The following ATP8B4 variants were observed in gnomAD, a reference collection of about 807,000 sequenced individuals.
ATP8B4 encodes the protein ATPase phospholipid transporting 8B4 (putative).
Under a neutral mutation model 145.6 loss-of-function variants are expected in ATP8B4, and 133 were observed. That is an observed-to-expected ratio of 0.91 (90% confidence interval 0.79 to 1.05). ATP8B4 has a LOEUF of 1.05. Ranked by LOEUF, ATP8B4 falls within the 50% of genes least tolerant of loss-of-function variation. The pLI is 0.00. For synonymous variants in ATP8B4, 507 were observed against 492.9 expected (o/e 1.03, Z -0.38); for missense variants, 1,458 against 1,425.2 (o/e 1.02, Z -0.37).
chr15:49,974,467 G>A (rs1226164028), intron 12 of ATP8B4, among the ~76,000 whole-genome samples: 4 of 150,724 alleles, frequency 2.7e-5, no homozygotes, highest in Admixed American at 6.6e-5. Flanking sequence ...GAGCTCAAGC[G>A]ATCCTCCCAC....
At chr15:50,005,708 A>T (rs2153565213) in intron 7 of ATP8B4, among the ~76,000 whole-genome samples, 1 of 152,358 alleles carries the variant, frequency 6.6e-6, no homozygotes, top group South Asian at 2.1e-4. Context: ...AGAACTTCTG[A>T]TCCCAAAATG....
intron 12 of ATP8B4, among the ~76,000 whole-genome samples, 176 bp from the exon 13 acceptor site, chr15:49,972,966 A>T (rs2045311605): frequency 6.6e-6 from 1 of 152,192 alleles, no homozygotes. Flanking sequence ...CTGTTTATAA[A>T]CATTTCCAAG....
intron 13 of ATP8B4, 136 bp downstream of exon 13, chr15:49,972,446 A>G (rs2045244598): frequency 2.8e-6 from 2 of 709,122 alleles, no homozygotes; most frequent in Middle Eastern, 3.9e-4. Flanking sequence ...CAGCATCTAT[A>G]TGGTAGATGC....
At chr15:49,902,490 G>A (rs923674081) in intron 20 of ATP8B4, among the ~76,000 whole-genome samples, 7 of 152,186 alleles carry the variant, frequency 4.6e-5, no homozygotes, top group Non-Finnish European at 1.0e-4. Flanking sequence ...ATCTCCTTCT[G>A]CTGTCCAAGA....
chr15:50,060,069 G>A (rs2052897169), intron 3 of ATP8B4, among the ~76,000 whole-genome samples: 2 of 152,070 alleles, frequency 1.3e-5, no homozygotes, highest in Admixed American at 1.3e-4. Flanking sequence ...ACCCAGAAAG[G>A]CTAAAAGGCA....
intron 6 of ATP8B4, among the ~76,000 whole-genome samples, chr15:50,012,266 C>G (rs1379286359): frequency 6.6e-6 from 1 of 152,146 alleles, no homozygotes; most frequent in African/African-American, 2.4e-5. Flanking sequence ...TCTCAGCAAA[C>G]AGCATCTTAG....
intron 14 of ATP8B4, among the ~76,000 whole-genome samples, chr15:49,956,505 T>C (rs1434746543): frequency 2.0e-5 from 3 of 152,174 alleles, no homozygotes; most frequent in African/African-American, 7.2e-5. Context: ...AAAGAGTTTA[T>C]AGACAAACTG....
intron 1 of ATP8B4, among the ~76,000 whole-genome samples, chr15:50,145,301 A>T (rs1172851639): frequency 2.0e-5 from 3 of 152,250 alleles, no homozygotes; most frequent in Non-Finnish European, 4.4e-5. Context: ...TGTTTATAGT[A>T]TCTTGTCTGA....
chr15:49,858,956 T>C lies in ATP8B4; in HGVS notation c.*1238A>G, dbSNP rs2031157366. ...TCAACCAACCACATGAGGTAGGTAG[T>C]ATGTCCTCATTTTACAGAGGAAGAA... is the stretch of plus-strand genomic sequence containing the variant. On this transcript the variant is annotated 3_prime_UTR_variant, in exon 28 of 28. Transcript: ENST00000284509. The C allele has an allele frequency of 6.6e-6, 1 of 152,208 alleles. No individual in the cohort carries two copies. Among genetic ancestry groups the C allele is most frequent in the Non-Finnish European group, 1.5e-5 (1 of 68,038 alleles). 9.4% of individuals were successfully genotyped at this position (152,208 alleles called of 1,614,324 possible).
chr15:50,064,611 C>G (rs1318545991), intron 3 of ATP8B4, among the ~76,000 whole-genome samples: 1 of 152,090 alleles, frequency 6.6e-6, no homozygotes, highest in Non-Finnish European at 1.5e-5. Flanking sequence ...GCCTAAGTAG[C>G]TTACTTTTGT....
At chr15:50,002,364 CTA>C in intron 7 of ATP8B4, 141 bp from the exon 8 acceptor site, 1 of 645,398 alleles carries the variant, frequency 1.5e-6, no homozygotes, top group Non-Finnish European at 2.6e-6. Context: ...TGTTCTACCT[CTA>C]TGTCATATGC....
At chr15:50,029,222 G>A (rs1177585042) in intron 6 of ATP8B4, among the ~76,000 whole-genome samples, 1 of 97,294 alleles carries the variant, frequency 1.0e-5, no homozygotes, top group Non-Finnish European at 1.9e-5. Context: ...CCTGGCAACA[G>A]AGCAAGACTC....
intron 2 of ATP8B4, among the ~76,000 whole-genome samples, chr15:50,094,970 T>G (rs2055873890): frequency 6.6e-6 from 1 of 152,034 alleles, no homozygotes; most frequent in East Asian, 1.9e-4. Flanking sequence ...TAAGTCAGAC[T>G]ACATCTTGAA....
chr15:50,096,507 T>C (rs972683235), intron 2 of ATP8B4, among the ~76,000 whole-genome samples: 1 of 152,156 alleles, frequency 6.6e-6, no homozygotes, highest in African/African-American at 2.4e-5. Flanking sequence ...ACTACGACTA[T>C]GGGAGGAGAT....
chr15:50,012,653 G>C (rs956617649), intron 6 of ATP8B4, among the ~76,000 whole-genome samples: 3 of 152,060 alleles, frequency 2.0e-5, no homozygotes, highest in African/African-American at 7.2e-5. Context: ...ATTTGACAAA[G>C]TTATCAGAAA....
chr15:50,091,446 A>ATTT (rs2153655906), intron 2 of ATP8B4, among the ~76,000 whole-genome samples: 1 of 152,336 alleles, frequency 6.6e-6, no homozygotes, highest in Non-Finnish European at 1.5e-5. Context: ...CAATATGGCA[A>ATTT]TTAGATTGTA....
intron 2 of ATP8B4, among the ~76,000 whole-genome samples, chr15:50,077,725 C>A (rs1042467225): frequency 6.6e-6 from 1 of 152,114 alleles, no homozygotes; most frequent in South Asian, 2.1e-4. Context: ...ATCTCCCACA[C>A]CCCCTTCTTT....
intron 9 of ATP8B4, among the ~76,000 whole-genome samples, chr15:49,994,534 T>C (rs2047273485): frequency 1.3e-5 from 2 of 152,070 alleles, no homozygotes; most frequent in Non-Finnish European, 2.9e-5. Flanking sequence ...CCTGTGTAGC[T>C]TACACTGAAG....
chr15:50,170,144 G>C (rs1018110493), intron 1 of ATP8B4, among the ~76,000 whole-genome samples: 10 of 152,174 alleles, frequency 6.6e-5, no homozygotes, highest in Admixed American at 5.9e-4. Flanking sequence ...AGCCTTGTTA[G>C]AGACCTAGAC....
Sources: allele counts gnomAD v4.1 joint callset (sites outside exome capture counted in the v4.1 genomes callset), GRCh38; gene constraint gnomAD v4.1.1; transcripts MANE v1.5; gene names NCBI Gene and HGNC (gene_info 2026-07-23, HGNC 2026-07-21).